The following HTT variants were observed in gnomAD, a reference collection of about 807,000 sequenced individuals.
HTT encodes the protein huntington disease protein.
Under a neutral mutation model 362.3 loss-of-function variants are expected in HTT, and 104 were observed. That is an observed-to-expected ratio of 0.29 (90% CI 0.24 to 0.34). The LOEUF (loss-of-function observed/expected upper bound fraction) is 0.34. Ranked by LOEUF, HTT falls within the 10% of genes least tolerant of loss-of-function variation. The pLI, the probability that HTT is intolerant of heterozygous loss-of-function variation, is 1.00. For synonymous variants in HTT, 1,577 were observed against 1,548.7 expected (o/e 1.02, Z -0.43); for missense variants, 3,301 against 3,928.6 (o/e 0.84, Z 4.27).
chr4:3,239,804 T>G, intron 66 of HTT, 42 bp from the exon 67 acceptor site: 1 of 1,431,726 alleles, frequency 7.0e-7, no homozygotes, highest in Non-Finnish European at 9.6e-7. Flanking sequence ...GGAGGCAGCA[T>G]TCCCCTCATT....
intron 19 of HTT, 39 bp downstream of exon 19, chr4:3,134,579 T>A: frequency 6.3e-7 from 1 of 1,577,774 alleles, no homozygotes; most frequent in Non-Finnish European, 8.7e-7. Flanking sequence ...TGAACTAAGC[T>A]CAATTGAAAG....
chr4:3,154,534 TGAGA>T, intron 27 of HTT, 115 bp downstream of exon 27: 1 of 1,348,246 alleles, frequency 7.4e-7, no homozygotes, highest in Non-Finnish European at 9.9e-7. Context: ...ATCAGTAAAG[TGAGA>T]GAAAGTTTCT....
intron 33 of HTT, among the ~76,000 whole-genome samples, chr4:3,175,634 C>T (rs1189513504): frequency 6.6e-6 from 1 of 152,210 alleles, no homozygotes; most frequent in East Asian, 1.9e-4. Context: ...AGCATTTGCA[C>T]GCTTCCCCTC....
chr4:3,089,171 G>C (rs1578488048), intron 2 of HTT, among the ~76,000 whole-genome samples: 1 of 152,106 alleles, frequency 6.6e-6, no homozygotes, highest in Non-Finnish European at 1.5e-5. Context: ...CTGTGAAAAA[G>C]CAACTGCATA....
In HTT at chr4:3,223,524, A is replaced by T; in HGVS notation, c.7589A>T (p.Gln2530Leu). 6.2e-7 allele frequency: 1 copy of T among 1,613,550 alleles called. No individual in the cohort carries two copies. Among genetic ancestry groups the T allele is most frequent in the Non-Finnish European group, 8.5e-7 (1 of 1,179,754 alleles). ...GNPAVSCLEQ[Q>L]PRNKPLKALD... ...CCAGCTGTAAGCTGCTTGGAGCAGC[A>T]GCCCCGGAACAAGCCTCTGAAAGCT... is the stretch of plus-strand genomic sequence containing the variant. The change falls in exon 55 of 67, where the codon CAG becomes CTG. Residue 2530 changes from glutamine (Q) to leucine (L), a missense_variant. Physicochemically the swap from Gln to Leu is moderately radical, Grantham distance 113. Transcript: ENST00000355072.
intron 29 of HTT, among the ~76,000 whole-genome samples, chr4:3,161,963 T>C (rs1236129827): frequency 6.6e-6 from 1 of 152,212 alleles, no homozygotes; most frequent in East Asian, 1.9e-4. Context: ...TTTGTTGCCA[T>C]TGCTTTTGGT....
chr4:3,140,481 TA>T, intron 21 of HTT, 28 bp from the exon 22 acceptor site: 1 of 1,611,562 alleles, frequency 6.2e-7, no homozygotes, highest in Middle Eastern at 1.7e-4. Context: ...TCTACTTTCT[TA>T]AGCAAATTAA....
rs746862971 is a variant in HTT at position 3,228,482 on chromosome 4, G to T, written c.7849-133G>T. On this transcript the variant is annotated intron_variant, in intron 57 of 66. Coordinates refer to ENST00000355072, the MANE Select transcript of HTT (RefSeq NM_001388492.1). The surrounding 1 kb of genome is among the most constrained non-coding windows in gnomAD (Gnocchi z 4.3). ...TGGGCTCCCTTGCCCGTAACCTGGGGTGTCTGAACGACCCTTGCTAAGGGG... is the reference window on the plus strand; with the variant it reads ...TGGGCTCCCTTGCCCGTAACCTGGGTTGTCTGAACGACCCTTGCTAAGGGG... 5 of 984,094 alleles carry T rather than the reference G, an allele frequency of 5.1e-6. No homozygotes were observed. The highest frequency in any genetic ancestry group is 7.2e-6 in the Non-Finnish European group (5 of 695,890). 61.0% of individuals were successfully genotyped at this position (984,094 alleles called of 1,614,324 possible). A position where few individuals can be genotyped will look rare whatever the true frequency, so the allele number is the denominator to read the frequency against.
chr4:3,161,797 A>T (rs1717462381), intron 29 of HTT, among the ~76,000 whole-genome samples: 1 of 152,044 alleles, frequency 6.6e-6, no homozygotes, highest in African/African-American at 2.4e-5. Context: ...AATTTGTTTA[A>T]GTTCTTTGTA....
At position 3,208,868 on chromosome 4, in the gene HTT, A is replaced by G; in HGVS notation, c.6248A>G (p.Asp2083Gly). ...PSPPVSSHPL[D>G]GDGHVSLETV... Reference sequence around the variant, plus strand: ...CCTCCAGTCTCTTCCCACCCGCTGGACGGGGATGGGCACGTGTCACTGGAA... The same window carrying G: ...CCTCCAGTCTCTTCCCACCCGCTGGGCGGGGATGGGCACGTGTCACTGGAA... The change falls in exon 46 of 67, where the codon GAC (aspartate) becomes GGC (glycine). Residue 2083 changes from aspartate to glycine, a missense_variant. By Grantham distance (94) the Asp-to-Gly change is moderately conservative (BLOSUM62 -1). This residue lies in a region of HTT where 2,316 missense variants were observed against 2,658.5 expected (regional missense o/e 0.87). Coordinates refer to ENST00000355072, the MANE Select transcript of HTT (RefSeq NM_001388492.1). 6.2e-7 allele frequency: 1 copy of G among 1,614,056 alleles called. No individual in the cohort carries two copies. The highest frequency in any genetic ancestry group is 2.2e-5 in the East Asian group (1 of 44,878).
At chr4:3,118,184 G>C (rs1052613316) in intron 8 of HTT, among the ~76,000 whole-genome samples, 15 of 152,082 alleles carry the variant, frequency 9.9e-5, no homozygotes, top group African/African-American at 3.4e-4. Context: ...GAAAAGCCTT[G>C]TCAGATTTAG....
chr4:3,097,962 T>C (rs1713947362), intron 2 of HTT, among the ~76,000 whole-genome samples: 1 of 152,204 alleles, frequency 6.6e-6, no homozygotes, highest in Admixed American at 6.5e-5. Flanking sequence ...CTGTAAAAAA[T>C]GTTATATATC....
intron 4 of HTT, 109 bp from the exon 5 acceptor site, chr4:3,105,247 CT>C: frequency 1.4e-6 from 1 of 731,578 alleles, no homozygotes. Flanking sequence ...TTTAAATGGC[CT>C]TTTCTCTAAA....
chr4:3,105,615 C>T (rs1714384141), intron 5 of HTT, among the ~76,000 whole-genome samples, 179 bp downstream of exon 5: 1 of 152,198 alleles, frequency 6.6e-6, no homozygotes, highest in African/African-American at 2.4e-5. Context: ...CACGTACAGT[C>T]TATCTGTGTG....
chr4:3,177,512 GACTA>G (rs1718294017), intron 34 of HTT, 125 bp downstream of exon 34: 5 of 629,214 alleles, frequency 7.9e-6, no homozygotes, highest in African/African-American at 1.9e-5. Flanking sequence ...ATGGAAATCT[GACTA>G]ACATACTGTG....
chr4:3,173,859 G>A, intron 31 of HTT, among the ~76,000 whole-genome samples: 1 of 152,108 alleles, frequency 6.6e-6, no homozygotes, highest in East Asian at 1.9e-4. Context: ...TTTTAGTAGA[G>A]ACGGGGTTTC....
At chr4:3,156,930 T>C (rs985662369) in intron 27 of HTT, 142 bp from the exon 28 acceptor site, 2 of 632,636 alleles carry the variant, frequency 3.2e-6, no homozygotes, top group Non-Finnish European at 5.2e-6. Flanking sequence ...TCATTACTTC[T>C]AGTTAATCAA....
rs1414497848 is a variant in HTT at position 3,154,378 on chromosome 4, C to T, written c.3584C>T (p.Ser1195Phe). 3.7e-6 allele frequency: 6 copies of T among 1,613,986 alleles called. No individual in the cohort carries two copies. The highest frequency in any genetic ancestry group is 5.1e-6 in the Non-Finnish European group (6 of 1,179,938). The change falls in exon 27 of 67, where the codon TCT becomes TTT. Residue 1195 changes from serine to phenylalanine, a missense_variant. Physicochemically the swap from Ser to Phe is radical, Grantham distance 155. Around this residue, in one of 4 missense-constraint regions of HTT, gnomAD observed 2,316 missense variants for 2,658.5 expected, o/e 0.87. Coordinates refer to ENST00000355072, the MANE Select transcript of HTT (RefSeq NM_001388492.1). ...GAGAAAGAACCAGGAGAACAAGCAT[C>T]TGTACCGTTGAGTCCCAAGAAAGGC... The part of the protein sequence containing the change: ...GKEKEPGEQA[S>F]VPLSPKKGSE...
chr4:3,155,768 C>G (rs143007582), intron 27 of HTT, among the ~76,000 whole-genome samples: 1 of 147,106 alleles, frequency 6.8e-6, no homozygotes, highest in Non-Finnish European at 1.5e-5. Flanking sequence ...CATGGTGGCT[C>G]GCGCCAGTCG....
Sources: gnomAD v4.1 joint callset for allele counts (sites outside exome capture counted in the v4.1 genomes callset) on GRCh38, gnomAD v4.1.1 for gene constraint, gnomAD v4.1.1 regional missense constraint, Gnocchi (gnomAD v3.1) non-coding constraint, MANE v1.5 for transcripts, NCBI Gene and HGNC (gene_info 2026-07-23, HGNC 2026-07-21) for gene names.